DPP8: variants seen among roughly 807,000 people sequenced by gnomAD.
DPP8 encodes the protein DPP VIII.
Under a neutral mutation model 107.5 loss-of-function variants are expected in DPP8, and 31 were observed. That is an observed-to-expected ratio of 0.29 (90% CI 0.22 to 0.39). DPP8 has a LOEUF of 0.39. DPP8 is among the 10% of genes least tolerant of loss of function. The pLI is 1.00. For missense variants in DPP8, 842 were observed against 1,076.1 expected (o/e 0.78, Z 3.04); for synonymous variants, 381 against 356.6 (o/e 1.07, Z -0.77).
At position 65,515,835 on chromosome 15, in the gene DPP8, A is replaced by G. The variant is rs369687072; in HGVS notation, c.-12+1651T>C. ...AAATAAGATAAGACTTTGATCATTA[A>G]GATGGACCATATGTGGCCAAAAAGA... On this transcript the variant is annotated intron_variant, in intron 1 of 19. Coordinates refer to ENST00000300141, the MANE Select transcript of DPP8 (RefSeq NM_130434.5). 6.7e-5 allele frequency: 50 copies of G among 750,974 alleles called. No homozygotes were observed. The East Asian group carries it at 1.3e-3, about 20-fold the overall frequency. The allele number at this position is 750,974 out of a possible 1,614,324, so 46.5% of individuals were successfully genotyped here.
Position 65,445,077 on chromosome 15 carries a change from G to GT in DPP8, c.*1806dup, listed in dbSNP as rs1375905972. 1 of 152,016 alleles carries GT rather than the reference G, an allele frequency of 6.6e-6. No individual in the cohort carries two copies. Among genetic ancestry groups the GT allele is most frequent in the Non-Finnish European group, 1.5e-5 (1 of 68,012 alleles). 9.4% of individuals were successfully genotyped at this position (152,016 alleles called of 1,614,324 possible). On this transcript the variant is annotated 3_prime_UTR_variant, in exon 20 of 20. Coordinates refer to ENST00000300141, the MANE Select transcript of DPP8 (RefSeq NM_130434.5). ...TATACAGATAATAAGAAAAAGCGTG[G>GT]TATCTATTATACAGTATAAATACAA...
chr15:65,488,839 G>A (rs2067706570), intron 6 of DPP8, among the ~76,000 whole-genome samples: 1 of 152,122 alleles, frequency 6.6e-6, no homozygotes, highest in Non-Finnish European at 1.5e-5. Flanking sequence ...TTGTGAATTT[G>A]CCACAAGAAG....
intron 15 of DPP8, among the ~76,000 whole-genome samples, chr15:65,460,844 AGAAGTG>A (rs1480460429): frequency 6.6e-6 from 1 of 152,228 alleles, no homozygotes; most frequent in Non-Finnish European, 1.5e-5. Flanking sequence ...GTATATACCA[AGAAGTG>A]GAATTTCTGG....
chr15:65,470,195 C>CAAAAAAAAAAAAAAAAAAAAAAAAAAAA, intron 12 of DPP8, among the ~76,000 whole-genome samples: 1 of 58,488 alleles, frequency 1.7e-5, no homozygotes, highest in Non-Finnish European at 3.2e-5. Context: ...ACTCTTGTCT[C>CAAAAAAAAAAAAAAAAAAAAAAAAAAAA]AAAAAAAAAA....
At chr15:65,485,880 G>A (rs185919762) in intron 7 of DPP8, among the ~76,000 whole-genome samples, 2 of 151,254 alleles carry the variant, frequency 1.3e-5, no homozygotes, top group Non-Finnish European at 2.9e-5. Context: ...GATCACCTGA[G>A]GTCAGGAGTT....
chr15:65,483,369 A>C (rs1165887017), intron 8 of DPP8, among the ~76,000 whole-genome samples: 1 of 151,890 alleles, frequency 6.6e-6, no homozygotes, highest in Non-Finnish European at 1.5e-5. Flanking sequence ...TACGAAAAAT[A>C]AAATTAGCGG....
chr15:65,449,670 A>G (rs1324268241), intron 19 of DPP8, among the ~76,000 whole-genome samples: 4 of 152,124 alleles, frequency 2.6e-5, no homozygotes, highest in Admixed American at 1.3e-4. Context: ...TCGGCCTCCC[A>G]AAGTGTTGGG....
chr15:65,480,792 CCT>C (rs2066855349), intron 9 of DPP8, among the ~76,000 whole-genome samples: 1 of 151,902 alleles, frequency 6.6e-6, no homozygotes, highest in South Asian at 2.1e-4. Flanking sequence ...AGAGAGAGAC[CCT>C]GTCTATATAA....
At chr15:65,495,465 G>A (rs184901425) in intron 5 of DPP8, among the ~76,000 whole-genome samples, 2 of 151,832 alleles carry the variant, frequency 1.3e-5, no homozygotes, top group East Asian at 3.9e-4. Flanking sequence ...TTAACCAGGT[G>A]TGGTGGTGTG....
chr15:65,494,360 C>T (rs939373687), intron 5 of DPP8, among the ~76,000 whole-genome samples: 1 of 151,716 alleles, frequency 6.6e-6, no homozygotes, highest in South Asian at 2.1e-4. Flanking sequence ...GAAACGGGTG[C>T]ATGACACCAT....
chr15:65,494,149 C>CTTTTTTTTTTTTTTTTTTTTTTTTTTT (rs542314824), intron 5 of DPP8, among the ~76,000 whole-genome samples: 2 of 123,296 alleles, frequency 1.6e-5, no homozygotes, highest in African/African-American at 6.8e-5. Flanking sequence ...GTTCTATATC[C>CTTTTTTTTTTTTTTTTTTTTTTTTTTT]TTTTTTTTTT....
At chr15:65,506,070 AC>A (rs1326705718) in intron 3 of DPP8, among the ~76,000 whole-genome samples, 2 of 151,990 alleles carry the variant, frequency 1.3e-5, no homozygotes, top group African/African-American at 4.8e-5. Context: ...GGTGGCTCAC[AC>A]CTGTAATCCC....
intron 9 of DPP8, among the ~76,000 whole-genome samples, chr15:65,480,697 T>C (rs1230957640): frequency 6.6e-6 from 1 of 151,714 alleles, no homozygotes; most frequent in Non-Finnish European, 1.5e-5. Context: ...CTTTGGGAGG[T>C]CAAGGTGAGA....
intron 12 of DPP8, 97 bp downstream of exon 12, chr15:65,474,112 A>C: frequency 1.0e-6 from 1 of 955,980 alleles, no homozygotes; most frequent in Non-Finnish European, 1.7e-6. Context: ...CTCGGAAAAA[A>C]AAATACCGGG....
intron 2 of DPP8, chr15:65,512,088 GATCA>G: frequency 1.4e-6 from 1 of 703,898 alleles, no homozygotes; most frequent in Non-Finnish European, 2.6e-6. Context: ...AAACGATCAT[GATCA>G]ATTAATGACT....
chr15:65,501,827 C>T (rs1030991367), intron 3 of DPP8, among the ~76,000 whole-genome samples: 1 of 152,182 alleles, frequency 6.6e-6, no homozygotes, highest in African/African-American at 2.4e-5. Context: ...TTTACTTATA[C>T]CCCAAAACCT....
chr15:65,482,569 C>T (rs1024719086), intron 8 of DPP8, among the ~76,000 whole-genome samples: 11 of 152,146 alleles, frequency 7.2e-5, no homozygotes, highest in Admixed American at 3.3e-4. Flanking sequence ...AGCCACCGTG[C>T]TTGGCCCATT....
chr15:65,488,915 T>C (rs1388788530), intron 6 of DPP8, among the ~76,000 whole-genome samples: 2 of 152,174 alleles, frequency 1.3e-5, no homozygotes, highest in African/African-American at 2.4e-5. Flanking sequence ...TTTAACAGAC[T>C]CTCTAGTCAA....
rs1297453568 is a variant in DPP8 at position 65,512,809 on chromosome 15, A to T, written c.-11-245T>A. On this transcript the variant is annotated intron_variant, in intron 1 of 19. Transcript: ENST00000300141. ...CACAGTGCCTATAAATCCCTTTGGT[A>T]GCTTTTATAAAAGGCTCTCCTTAGG... The T allele has an allele frequency of 3.8e-5, 18 of 468,066 alleles. No homozygotes were observed. In the East Asian group the frequency reaches 6.4e-4, roughly 17 times the overall value. The allele number at this position is 468,066 out of a possible 1,614,324, so 29.0% of individuals were successfully genotyped here. A position where few individuals can be genotyped will look rare whatever the true frequency, so the allele number is the denominator to read the frequency against.
Sources: gnomAD v4.1 joint callset for allele counts (sites outside exome capture counted in the v4.1 genomes callset) on GRCh38, gnomAD v4.1.1 for gene constraint, MANE v1.5 for transcripts, NCBI Gene and HGNC (gene_info 2026-07-23, HGNC 2026-07-21) for gene names.